Variants in CCNJL observed in about 807,000 individuals in gnomAD.
CCNJL encodes the protein cyclin J like.
Under a neutral mutation model 33.4 loss-of-function variants are expected in CCNJL, and 33 were observed. The ratio of observed to expected loss-of-function variants is 0.99; its 90% CI spans 0.75 to 1.32. The LOEUF (loss-of-function observed/expected upper bound fraction) is 1.32. Among genes scored for constraint, CCNJL ranks in the 40% most tolerant of loss-of-function variants. The pLI, the probability that CCNJL is intolerant of heterozygous loss-of-function variation, is 0.00. For synonymous variants in CCNJL, 227 were observed against 220.9 expected (o/e 1.03, Z -0.24); for missense variants, 512 against 499.7 (o/e 1.02, Z -0.23).
intron 3 of CCNJL, among the ~76,000 whole-genome samples, chr5:160,279,176 G>C (rs1390064881): frequency 1.3e-5 from 2 of 152,232 alleles, no homozygotes; most frequent in Admixed American, 1.3e-4. Flanking sequence ...AGCTACAGGA[G>C]AAAGTGGGTG....
chr5:160,259,515 C>G lies in CCNJL; in HGVS notation c.537G>C (p.Glu179Asp). The change falls in exon 4 of 6, where the codon GAG becomes GAC. Residue 179 changes from glutamate (E) to aspartate (D), a missense_variant. Glu to Asp is a conservative substitution (Grantham distance 45). Coordinates refer to ENST00000257536, the MANE Select transcript of CCNJL (RefSeq NM_001308173.3). ...WPTTCPRKTK[E>D]CLKEYAHYFL... ...AGTAATGGGCATACTCCTTGAGGCA[C>G]TCTTTGGTCTTGCGGGGGCAGGTGG... 6.2e-7 allele frequency: 1 copy of G among 1,614,146 alleles called. No homozygotes were observed. Among genetic ancestry groups the G allele is most frequent in the African/African-American group, 1.3e-5 (1 of 75,040 alleles).
In CCNJL at chr5:160,280,794, G is replaced by A. The variant is rs752771342; in HGVS notation, c.67-56C>T. ...GTCAGGGCTGCCTCCTGAGAGTCTC[G>A]GCTGTCCCAGGAAATGGGACCTCAG... On this transcript the variant is annotated intron_variant, in intron 2 of 5. Transcript: ENST00000257536. The A allele has an allele frequency of 3.6e-5, 43 of 1,198,288 alleles. 1 individual carries two copies. In the Middle Eastern group the frequency reaches 5.6e-4, roughly 16 times the overall value. The allele number at this position is 1,198,288 out of a possible 1,614,324, so 74.2% of individuals were successfully genotyped here. A position where few individuals can be genotyped will look rare whatever the true frequency, so the allele number is the denominator to read the frequency against.
At chr5:160,294,235 A>G (rs117802788) in intron 2 of CCNJL, among the ~76,000 whole-genome samples, 1 of 152,186 alleles carries the variant, frequency 6.6e-6, no homozygotes, top group Admixed American at 6.5e-5. Flanking sequence ...CGATTGCTTC[A>G]TAAGGCCCAA....
intron 1 of CCNJL, among the ~76,000 whole-genome samples, chr5:160,321,886 G>C (rs1763469610): frequency 6.6e-6 from 1 of 152,092 alleles, no homozygotes; most frequent in Non-Finnish European, 1.5e-5. Flanking sequence ...TTAAGATCCT[G>C]AACAACACCT....
intron 1 of CCNJL, among the ~76,000 whole-genome samples, chr5:160,322,771 T>G (rs534931637): frequency 6.8e-6 from 1 of 147,924 alleles, no homozygotes; most frequent in East Asian, 2.0e-4. Context: ...CTGGGCGTGG[T>G]TGCGCAGCGC....
intron 1 of CCNJL, among the ~76,000 whole-genome samples, chr5:160,322,352 AT>A (rs1203491691): frequency 2.6e-5 from 4 of 152,008 alleles, no homozygotes; most frequent in Non-Finnish European, 5.9e-5. Context: ...GTTGGCTTTG[AT>A]TTTTTTCTAG....
chr5:160,279,772 AGGCACAG>A (rs1762144140), intron 3 of CCNJL, among the ~76,000 whole-genome samples: 2 of 152,236 alleles, frequency 1.3e-5, no homozygotes, highest in African/African-American at 4.8e-5. Context: ...ATGAGGAGAA[AGGCACAG>A]GGCAAAGAGG....
intron 4 of CCNJL, among the ~76,000 whole-genome samples, chr5:160,259,146 T>A (rs1761205680): frequency 6.6e-6 from 1 of 152,228 alleles, no homozygotes; most frequent in Non-Finnish European, 1.5e-5. Context: ...ATGGCCGCTA[T>A]TTGAGAATAA....
intron 1 of CCNJL, among the ~76,000 whole-genome samples, chr5:160,330,988 T>C (rs1763600270): frequency 6.6e-6 from 1 of 151,916 alleles, no homozygotes; most frequent in Non-Finnish European, 1.5e-5. Context: ...GTTTTCAATA[T>C]CCAAACAGAT....
intron 3 of CCNJL, among the ~76,000 whole-genome samples, chr5:160,263,482 G>A (rs546941003): frequency 6.6e-5 from 10 of 152,248 alleles, no homozygotes; most frequent in Admixed American, 5.2e-4. Flanking sequence ...ACTGACTCTG[G>A]GAGAATCTAG....
At chr5:160,313,919 C>G (rs541005101), upstream of CCNJL, among the ~76,000 whole-genome samples, 1 of 152,372 alleles carries the variant, frequency 6.6e-6, no homozygotes, top group Admixed American at 6.5e-5. Flanking sequence ...GTAATCCCAA[C>G]ACTTTGGGAG....
intron 2 of CCNJL, among the ~76,000 whole-genome samples, chr5:160,283,026 T>C (rs1298783103): frequency 2.8e-5 from 3 of 106,442 alleles, no homozygotes; most frequent in Admixed American, 1.0e-4. Context: ...TATATATATA[T>C]ACCTAAGAGA....
chr5:160,305,821 T>C (rs928421988), intron 2 of CCNJL, among the ~76,000 whole-genome samples: 6 of 152,152 alleles, frequency 3.9e-5, no homozygotes, highest in Non-Finnish European at 8.8e-5. Context: ...TAAGATAATA[T>C]ATGGGAGCAT....
chr5:160,332,921 A>G (rs1181005767), intron 1 of CCNJL, among the ~76,000 whole-genome samples: 4 of 152,114 alleles, frequency 2.6e-5, no homozygotes, highest in Admixed American at 2.6e-4. Flanking sequence ...TTTCTTCTCC[A>G]TCGCAGTGCC....
At chr5:160,330,581 C>T (rs905861940) in intron 1 of CCNJL, among the ~76,000 whole-genome samples, 1 of 152,196 alleles carries the variant, frequency 6.6e-6, no homozygotes, top group South Asian at 2.1e-4. Flanking sequence ...AAGTGCACCT[C>T]CTGGCCACCA....
intron 1 of CCNJL, among the ~76,000 whole-genome samples, chr5:160,334,780 G>A (rs1229612851): frequency 6.6e-6 from 1 of 152,208 alleles, no homozygotes; most frequent in East Asian, 1.9e-4. Flanking sequence ...GATCCACCTG[G>A]AGGGTTTGTT....
intron 1 of CCNJL, among the ~76,000 whole-genome samples, chr5:160,335,937 C>T (rs1005064212): frequency 1.3e-5 from 2 of 152,178 alleles, no homozygotes; most frequent in African/African-American, 4.8e-5. Context: ...TCTCTTGATT[C>T]TCTTCTAGCT....
intron 4 of CCNJL, chr5:160,258,344 G>A: frequency 1.3e-6 from 1 of 765,434 alleles, no homozygotes; most frequent in Non-Finnish European, 2.4e-6. Context: ...AATAAACTGG[G>A]GTTAATGAAA....
chr5:160,257,638 C>A (rs1228172243), intron 4 of CCNJL, among the ~76,000 whole-genome samples: 3 of 150,706 alleles, frequency 2.0e-5, no homozygotes, highest in Non-Finnish European at 4.4e-5. Context: ...TATAGCGAGA[C>A]CCCGTTCTCC....
Sources: gnomAD v4.1 joint callset for allele counts (sites outside exome capture counted in the v4.1 genomes callset) on GRCh38, gnomAD v4.1.1 for gene constraint, MANE v1.5 for transcripts, NCBI Gene and HGNC (gene_info 2026-07-23, HGNC 2026-07-21) for gene names.